The following MCTS2 variants were observed in gnomAD, a reference collection of about 807,000 sequenced individuals.
MCTS2 encodes the protein MCTS family member 2.
At chr20:31,547,686 C>T in the MCTS2 span, 1 of 1,410,966 alleles carries the variant, frequency 7.1e-7, no homozygotes, top group Middle Eastern at 1.9e-4. Flanking sequence ...ATACAGAAAT[C>T]CTTACCGTAA....
At chr20:31,547,548 C>G in the MCTS2 span, 3 of 931,606 alleles carry the variant, frequency 3.2e-6, no homozygotes, top group African/African-American at 5.1e-5. Context: ...CCAACTGCAT[C>G]CAGTTGAAAA....
At chr20:31,547,638 T>C in the MCTS2 span, 12 of 1,576,644 alleles carry the variant, frequency 7.6e-6, no homozygotes, top group Non-Finnish European at 1.0e-5. Context: ...AAATCATGCC[T>C]AAGAAAGATC....
the MCTS2 span, chr20:31,547,981 A>G: frequency 6.3e-7 from 1 of 1,576,636 alleles, no homozygotes; most frequent in Non-Finnish European, 8.7e-7. Flanking sequence ...GAAAGTCAAC[A>G]AAGGAATTGG....
the MCTS2 span, chr20:31,548,032 A>G: frequency 2.1e-5 from 33 of 1,585,492 alleles, no homozygotes; most frequent in African/African-American, 3.9e-4. Flanking sequence ...GCTGTGGCAC[A>G]TGAAGACATA....
At chr20:31,547,659 A>T in the MCTS2 span, 1 of 1,548,324 alleles carries the variant, frequency 6.5e-7, no homozygotes, top group African/African-American at 1.4e-5. Context: ...CTGTCAAAAT[A>T]GTCCGATGCC....
chr20:31,547,805 C>G, the MCTS2 span: 1 of 954,474 alleles, frequency 1.0e-6, no homozygotes, highest in African/African-American at 1.6e-5. Flanking sequence ...GATAAAGGAG[C>G]TATCAAATTT....
the MCTS2 span, chr20:31,547,967 T>G: frequency 6.5e-7 from 1 of 1,541,436 alleles, no homozygotes; most frequent in South Asian, 1.1e-5. Flanking sequence ...GCAGAAGATA[T>G]TGAGAAAGTC....
chr20:31,547,543 T>G, the MCTS2 span: 1 of 899,452 alleles, frequency 1.1e-6, no homozygotes. Context: ...TGTGTCCAAC[T>G]GCATCCAGTT....
At chr20:31,547,782 A>C in the MCTS2 span, 1 of 948,460 alleles carries the variant, frequency 1.1e-6, no homozygotes, top group Non-Finnish European at 1.7e-6. Flanking sequence ...TTATCCTGCC[A>C]CACCAGCAGG....
the MCTS2 span, chr20:31,547,687 C>T: frequency 5.0e-6 from 7 of 1,410,872 alleles, no homozygotes; most frequent in South Asian, 3.7e-5. Context: ...TACAGAAATC[C>T]TTACCGTAAG....
the MCTS2 span, chr20:31,547,700 G>A: frequency 4.5e-6 from 6 of 1,329,240 alleles, no homozygotes; most frequent in African/African-American, 1.5e-5. Flanking sequence ...ACCGTAAGTG[G>A]GGAATTATTG....
chr20:31,547,646 A>T, the MCTS2 span: 1 of 1,572,742 alleles, frequency 6.4e-7, no homozygotes, highest in Non-Finnish European at 8.6e-7. Context: ...CCTAAGAAAG[A>T]TCCTGTCAAA....
the MCTS2 span, chr20:31,547,509 C>A: frequency 2.7e-6 from 2 of 728,988 alleles, no homozygotes; most frequent in Non-Finnish European, 4.7e-6. Context: ...GGATCATGTT[C>A]AAGAAGTTTG....
At chr20:31,547,784 A>G in the MCTS2 span, 6 of 949,328 alleles carry the variant, frequency 6.3e-6, no homozygotes, top group Admixed American at 3.7e-5. Flanking sequence ...ATCCTGCCAC[A>G]CCAGCAGGTT....
chr20:31,547,909 G>T, the MCTS2 span: 18 of 1,160,486 alleles, frequency 1.6e-5, no homozygotes, highest in South Asian at 2.1e-4. Flanking sequence ...AGCAGTCACA[G>T]CGGAAGGAAA....
chr20:31,547,910 C>T, the MCTS2 span: 3 of 1,163,080 alleles, frequency 2.6e-6, no homozygotes, highest in Non-Finnish European at 3.9e-6. Context: ...GCAGTCACAG[C>T]GGAAGGAAAA....
chr20:31,548,066 A>C, the MCTS2 span: 1 of 1,482,106 alleles, frequency 6.7e-7, no homozygotes, highest in Non-Finnish European at 9.4e-7. Context: ...GAAGGAATGC[A>C]TTTGGGGGGC....
chr20:31,547,928 C>A, the MCTS2 span: 1 of 1,264,068 alleles, frequency 7.9e-7, no homozygotes, highest in Non-Finnish European at 1.2e-6. Context: ...AAACAGCATG[C>A]TCTGTGTGTT....
chr20:31,548,006 A>G, the MCTS2 span: 5 of 1,591,816 alleles, frequency 3.1e-6, no homozygotes, highest in South Asian at 3.3e-5. Context: ...GAAAATATCC[A>G]TTATTTAAAT....
Sources: gnomAD v4.1 joint callset for allele counts on GRCh38, gnomAD v4.1.1 for gene constraint, MANE v1.5 for transcripts, NCBI Gene and HGNC (gene_info 2026-07-23, HGNC 2026-07-21) for gene names.